GPHN: variants seen among roughly 807,000 people sequenced by gnomAD.
GPHN encodes gephyrin.
Under a neutral mutation model 95.5 loss-of-function variants are expected in GPHN, and 17 were observed. The ratio of observed to expected loss-of-function variants is 0.18; its 90% CI spans 0.12 to 0.27. The LOEUF (loss-of-function observed/expected upper bound fraction) is 0.27. GPHN is among the 10% of genes least tolerant of loss of function. The pLI is 1.00. For missense variants in GPHN, 660 were observed against 978.1 expected, an observed-to-expected ratio of 0.67 and a Z score of 4.34; for synonymous variants, 320 against 322.5, an observed-to-expected ratio of 0.99 and a Z score of 0.08.
intron 2 of GPHN, among the ~76,000 whole-genome samples, chr14:66,715,051 G>A (rs999080197): frequency 1.3e-5 from 2 of 152,150 alleles, no homozygotes; most frequent in Non-Finnish European, 2.9e-5. Context: ...CAATAGGATA[G>A]GTATAAATTC....
intron 2 of GPHN, chr14:66,760,874 A>T: frequency 1.2e-6 from 1 of 828,882 alleles, no homozygotes; most frequent in Non-Finnish European, 1.9e-6. Flanking sequence ...TTGAAGAAAA[A>T]GAGCGACAGA....
chr14:67,140,398 A>AAAT (rs2080381866), intron 17 of GPHN, among the ~76,000 whole-genome samples: 1 of 151,820 alleles, frequency 6.6e-6, no homozygotes, highest in Non-Finnish European at 1.5e-5. Context: ...AAAAAAAAAA[A>AAAT]AAGTACGATA....
At chr14:67,715,848 G>A in the GPHN span, among the ~76,000 whole-genome samples, 2 of 152,170 alleles carry the variant, frequency 1.3e-5, no homozygotes, top group Non-Finnish European at 2.9e-5. Flanking sequence ...GGTTCCATGT[G>A]CTGGGGGAAC....
chr14:67,552,467 A>T, the GPHN span, among the ~76,000 whole-genome samples: 1 of 152,230 alleles, frequency 6.6e-6, no homozygotes. Context: ...GTGTCCTTGC[A>T]GGGTGGATAA....
In GPHN at chr14:66,698,908, A is replaced by G. The variant is rs567421388; in HGVS notation, c.143+17723A>G. 3.9e-5 allele frequency among the ~76,000 whole-genome samples: 6 copies of G among 152,246 alleles called. No homozygotes were observed. In the South Asian group the frequency reaches 1.2e-3, roughly 32 times the overall value. ...TGAAAAAAATCTGCAGATAAGTGGA[A>G]CCAAGGAGTTCAAACTTGTGTTGTT... On this transcript the variant is annotated intron_variant, in intron 2 of 22. Coordinates refer to ENST00000478722, the MANE Select transcript of GPHN (RefSeq NM_020806.5).
chr14:67,020,220 T>C (rs1019111348), intron 9 of GPHN, among the ~76,000 whole-genome samples: 5 of 152,196 alleles, frequency 3.3e-5, no homozygotes, highest in African/African-American at 1.2e-4. Context: ...TAACGTAAGT[T>C]GAAATGTTCT....
the GPHN span, among the ~76,000 whole-genome samples, chr14:67,389,426 AAATT>A: frequency 6.6e-6 from 1 of 152,120 alleles, no homozygotes; most frequent in African/African-American, 2.4e-5. Flanking sequence ...AGTGCGGAAC[AAATT>A]AATTGCAGAA....
In GPHN at chr14:66,508,230, G is replaced by C. The variant is rs1252754388; in HGVS notation, c.-298G>C. 8 of 540,168 alleles carry C rather than the reference G, an allele frequency of 1.5e-5. No homozygotes were observed. Among genetic ancestry groups the C allele is most frequent in the African/African-American group, 3.8e-5 (2 of 52,010 alleles). The allele number at this position is 540,168 out of a possible 1,614,324, so 33.5% of individuals were successfully genotyped here. A position where few individuals can be genotyped will look rare whatever the true frequency, so the allele number is the denominator to read the frequency against. On this transcript the variant is annotated 5_prime_UTR_variant, in exon 1 of 23. Coordinates refer to ENST00000478722, the MANE Select transcript of GPHN (RefSeq NM_020806.5). ...CGACACTCTCCGGCCTCGTTCTGCC[G>C]CCTCCGCGCGCTCTCCCCGTGCGGC... is the stretch of plus-strand genomic sequence containing the variant.
chr14:66,762,789 C>G (rs1595822256), intron 2 of GPHN, among the ~76,000 whole-genome samples: 1 of 151,990 alleles, frequency 6.6e-6, no homozygotes, highest in East Asian at 1.9e-4. Flanking sequence ...AGTATGGTGG[C>G]CACATTTACC....
At chr14:66,770,693 A>G (rs1390710368) in intron 2 of GPHN, among the ~76,000 whole-genome samples, 1 of 152,184 alleles carries the variant, frequency 6.6e-6, no homozygotes, top group Non-Finnish European at 1.5e-5. Context: ...ATACCGTAGT[A>G]GTCCCCCCAT....
At chr14:66,751,295 A>G (rs1056461557) in intron 2 of GPHN, among the ~76,000 whole-genome samples, 2 of 151,960 alleles carry the variant, frequency 1.3e-5, no homozygotes, top group African/African-American at 2.4e-5. Context: ...GGTTGAACCA[A>G]TTATATTCCC....
chr14:67,199,213 G>A, the GPHN span: 8 of 1,607,306 alleles, frequency 5.0e-6, no homozygotes, highest in Non-Finnish European at 6.8e-6. Context: ...AGAGTCACTG[G>A]CCAGCACCAA....
Position 66,714,200 on chromosome 14 carries a change from C to G in GPHN, c.143+33015C>G, listed in dbSNP as rs912638385. ...GTTTTGTAGTTTTCCTTGTAGAGGT[C>G]TTTCACCTCCTTGGTTAGGTGGATT... On this transcript the variant is annotated intron_variant, in intron 2 of 22. Coordinates refer to ENST00000478722, the MANE Select transcript of GPHN (RefSeq NM_020806.5). Among the ~76,000 whole-genome samples the G allele has an allele frequency of 2.6e-5, 4 of 152,174 alleles. No individual in the cohort carries two copies. The South Asian group carries it at 8.3e-4, about 32-fold the overall frequency.
rs2078451875 is a variant in GPHN, at chr14:67,112,753, A to G, written c.1473-265A>G. On this transcript the variant is annotated intron_variant, in intron 15 of 22. Coordinates refer to ENST00000478722, the MANE Select transcript of GPHN (RefSeq NM_020806.5). Reference sequence around the variant, plus strand: ...AATTTTATTCACAGGTACTCATGAAAAAAAATTTCAAATATGAAGTAACAT... The same window carrying G: ...AATTTTATTCACAGGTACTCATGAAGAAAAATTTCAAATATGAAGTAACAT... 2.0e-5 allele frequency among the ~76,000 whole-genome samples: 3 copies of G among 152,368 alleles called. No homozygotes were observed. The South Asian group carries it at 6.2e-4, about 32-fold the overall frequency.
the GPHN span, among the ~76,000 whole-genome samples, chr14:67,666,519 C>A: frequency 6.6e-6 from 1 of 152,172 alleles, no homozygotes; most frequent in Non-Finnish European, 1.5e-5. Flanking sequence ...AAACAGAAAC[C>A]TTTGAAATCA....
At chr14:67,427,600 C>A in the GPHN span, among the ~76,000 whole-genome samples, 1 of 152,218 alleles carries the variant, frequency 6.6e-6, no homozygotes, top group African/African-American at 2.4e-5. Flanking sequence ...TAAGACTTAC[C>A]GTCGCCATTC....
chr14:67,231,722 C>T, the GPHN span, among the ~76,000 whole-genome samples: 25 of 152,114 alleles, frequency 1.6e-4, no homozygotes, highest in African/African-American at 5.8e-4. Context: ...AATCCCAGCA[C>T]TTTGGGAGGC....
intron 4 of GPHN, among the ~76,000 whole-genome samples, chr14:66,850,425 G>A (rs1245945876): frequency 6.6e-6 from 1 of 152,080 alleles, no homozygotes; most frequent in East Asian, 1.9e-4. Flanking sequence ...GCATTCAAGA[G>A]AACCTATTTT....
the GPHN span, among the ~76,000 whole-genome samples, chr14:67,325,526 C>T: frequency 1.3e-5 from 2 of 152,136 alleles, no homozygotes; most frequent in African/African-American, 2.4e-5. Flanking sequence ...AGCATGGTCA[C>T]TGGCTGTTCT....
Sources: allele counts gnomAD v4.1 joint callset (sites outside exome capture counted in the v4.1 genomes callset), GRCh38; gene constraint gnomAD v4.1.1; transcripts MANE v1.5; gene names NCBI Gene and HGNC (gene_info 2026-07-23, HGNC 2026-07-21).